Variants in COL4A4 observed in about 807,000 individuals in gnomAD.
The protein encoded by COL4A4 is collagen type IV alpha 4 chain, also known as collagen alpha-4(IV) chain.
COL4A4 carries 105 observed loss-of-function variants against 192.9 expected under a neutral mutation model. The observed-to-expected ratio is 0.54, with a 90% CI of 0.46 to 0.64. The LOEUF is 0.64. Among genes scored for constraint, COL4A4 ranks in the 30% least tolerant of loss-of-function variants. The pLI is 0.00. For synonymous variants in COL4A4, 762 were observed against 769.9 expected, an observed-to-expected ratio of 0.99 and a Z score of 0.17; for missense variants, 1,967 against 2,169.3, an observed-to-expected ratio of 0.91 and a Z score of 1.85.
chr2:227,137,312 C>A (rs577456265), intron 4 of COL4A4, among the ~76,000 whole-genome samples: 1 of 152,290 alleles, frequency 6.6e-6, no homozygotes, highest in African/African-American at 2.4e-5. Context: ...CAAGTGGCAA[C>A]CCAAGTTTAC....
intron 43 of COL4A4, chr2:227,022,440 A>G: frequency 1.5e-6 from 1 of 676,538 alleles, no homozygotes; most frequent in Non-Finnish European, 2.8e-6. Context: ...CAGAGGATGC[A>G]GAAGTATGAA....
At chr2:226,991,670 G>C in the COL4A4 span, among the ~76,000 whole-genome samples, 3 of 152,128 alleles carry the variant, frequency 2.0e-5, no homozygotes, top group Non-Finnish European at 4.4e-5. Context: ...ACCCAACAAA[G>C]GAGCTACTCA....
At chr2:227,137,762 CA>C (rs1403795247) in intron 4 of COL4A4, among the ~76,000 whole-genome samples, 1 of 152,132 alleles carries the variant, frequency 6.6e-6, no homozygotes, top group African/African-American at 2.4e-5. Flanking sequence ...GGGGTCGGCT[CA>C]TCTCTTTCTT....
intron 34 of COL4A4, among the ~76,000 whole-genome samples, chr2:227,049,532 GC>G (rs1390756696): frequency 6.6e-6 from 1 of 152,040 alleles, no homozygotes; most frequent in Non-Finnish European, 1.5e-5. Flanking sequence ...AAAATATTTT[GC>G]TATAGTAAAA....
intron 4 of COL4A4, among the ~76,000 whole-genome samples, chr2:227,130,112 A>G (rs10171836): frequency 0.37 from 55,641 of 152,082 alleles, 10,517 homozygotes; most frequent in Non-Finnish European, 0.41. Context: ...AGGTGTTATC[A>G]ACAGTAGACA....
the COL4A4 span, among the ~76,000 whole-genome samples, chr2:226,982,202 T>G: frequency 6.6e-6 from 1 of 152,248 alleles, no homozygotes; most frequent in Non-Finnish European, 1.5e-5. Context: ...TTGGTTACCT[T>G]TGATACCAGC....
At chr2:226,981,880 C>T in the COL4A4 span, among the ~76,000 whole-genome samples, 2 of 152,294 alleles carry the variant, frequency 1.3e-5, no homozygotes, top group South Asian at 4.1e-4. Flanking sequence ...CAGATGGCTT[C>T]TCACTGCCAC....
At chr2:227,025,890 G>C (rs1270228787) in intron 42 of COL4A4, 80 bp from the exon 43 acceptor site, 1 of 1,309,104 alleles carries the variant, frequency 7.6e-7, no homozygotes, top group African/African-American at 1.5e-5. Flanking sequence ...TTGTGGATTA[G>C]GACAAAAATG....
In COL4A4 at chr2:227,008,088, C is replaced by T. The variant is rs771426359; in HGVS notation, c.4739G>A (p.Ser1580Asn). 6.2e-7 allele frequency: 1 copy of T among 1,614,082 alleles called. No individual in the cohort carries two copies. Among genetic ancestry groups the T allele is most frequent in the Non-Finnish European group, 8.5e-7 (1 of 1,180,018 alleles). The change falls in exon 47 of 48, where the codon AGC (serine) becomes AAC (asparagine). Residue 1580 changes from serine to asparagine, a missense_variant. By Grantham distance (46) the Ser-to-Asn change is conservative. Coordinates refer to ENST00000396625, the MANE Select transcript of COL4A4 (RefSeq NM_000092.5). ...EAPAQAVAVH[S>N]QDQSIPPCPQ... ...ACATGGGGGGATGGACTGGTCCTGG[C>T]TGTGCACCGCCACCGCCTGGGCCGG...
intron 3 of COL4A4, among the ~76,000 whole-genome samples, chr2:227,143,467 A>G (rs1218423041): frequency 6.6e-6 from 1 of 152,172 alleles, no homozygotes; most frequent in African/African-American, 2.4e-5. Context: ...CCCAATGATA[A>G]TATGGCCACT....
In COL4A4 at chr2:227,042,347, C is replaced by T. The variant is rs147944221; in HGVS notation, c.3398-92G>A. The T allele has an allele frequency of 3.0e-3, 2,274 of 746,138 alleles. 10 individuals carry two copies. Among genetic ancestry groups the T allele is most frequent in the Non-Finnish European group, 4.3e-3 (1,794 of 414,086 alleles). The allele number at this position is 746,138 out of a possible 1,614,324, so 46.2% of individuals were successfully genotyped here. On this transcript the variant is annotated intron_variant, in intron 36 of 47. Coordinates refer to ENST00000396625, the MANE Select transcript of COL4A4 (RefSeq NM_000092.5). ...ATCTATGTTCTTAATATATGGGTAA[C>T]GGAGAACACTGTCTAATTACTTTTT...
chr2:227,037,771 T>C (rs1969977268), intron 37 of COL4A4, among the ~76,000 whole-genome samples: 1 of 124,534 alleles, frequency 8.0e-6, no homozygotes, highest in African/African-American at 3.2e-5. Flanking sequence ...TTTTTAATGA[T>C]CTCCATTCTA....
In COL4A4 at chr2:227,007,528, C is replaced by T. The variant is rs539801258; in HGVS notation, c.4870G>A (p.Glu1624Lys). The T allele has an allele frequency of 3.7e-6, 6 of 1,613,688 alleles. No individual in the cohort carries two copies. Among genetic ancestry groups the T allele is most frequent in the Middle Eastern group, 3.5e-4 (2 of 5,640 alleles). ...AGGAATGGTGCTGCTCTGAAATCTT[C>T]CAGGCAGCTGCCAGGTGACATAAGG... ...QALMSPGSCLEDFRAAPFLEC... is the reference protein window; with the variant it reads ...QALMSPGSCLKDFRAAPFLEC... Residue 1624 changes from glutamate (E) to lysine (K), a missense_variant, in exon 48 of 48, where the codon GAA (glutamate) becomes AAA (lysine). Coordinates refer to ENST00000396625, the MANE Select transcript of COL4A4 (RefSeq NM_000092.5).
At chr2:227,102,729 T>C (rs373245060) in intron 15 of COL4A4, 60 bp downstream of exon 15, 13 of 1,470,860 alleles carry the variant, frequency 8.8e-6, no homozygotes, top group South Asian at 7.9e-5. Flanking sequence ...CCTGGTTTTA[T>C]AAAAACATGA....
At chr2:227,059,327 T>C in intron 28 of COL4A4, 78 bp downstream of exon 28, 2 of 1,230,334 alleles carry the variant, frequency 1.6e-6, no homozygotes, top group Non-Finnish European at 2.4e-6. Flanking sequence ...TAAAGCAAAA[T>C]AATCTAAACG....
At chr2:227,097,351 T>C (rs1214645213) in intron 19 of COL4A4, among the ~76,000 whole-genome samples, 1 of 152,188 alleles carries the variant, frequency 6.6e-6, no homozygotes, top group Non-Finnish European at 1.5e-5. Flanking sequence ...TATACTTCTG[T>C]GTATTTTTGT....
chr2:227,047,052 C>G (rs1254657111), intron 35 of COL4A4, among the ~76,000 whole-genome samples: 1 of 152,010 alleles, frequency 6.6e-6, no homozygotes, highest in Non-Finnish European at 1.5e-5. Flanking sequence ...GTGCTTTTCT[C>G]AGTAGAAAGA....
chr2:227,012,784 C>A (rs746277633), intron 44 of COL4A4, among the ~76,000 whole-genome samples: 3 of 152,128 alleles, frequency 2.0e-5, no homozygotes, highest in Admixed American at 1.3e-4. Context: ...ATAGGTGCAG[C>A]AATTTTTTAA....
rs764295374 is a variant in COL4A4, at chr2:227,059,534, C to G, written c.2254G>C (p.Val752Leu). The G allele has an allele frequency of 1.7e-5, 27 of 1,614,060 alleles. No individual in the cohort carries two copies. Among genetic ancestry groups the G allele is most frequent in the Non-Finnish European group, 2.2e-5 (26 of 1,180,040 alleles). ...GPPGPPGSPGVNGQKGIPGDP... is the reference protein window; with the variant it reads ...GPPGPPGSPGLNGQKGIPGDP... ...CCCGGGATTCCTTTCTGACCATTCA[C>G]TCCTGGTGAGCCGGGAGGGCCTGGG... Residue 752 changes from valine to leucine, a missense_variant, in exon 28 of 48, where the codon GTG becomes CTG. Coordinates refer to ENST00000396625, the MANE Select transcript of COL4A4 (RefSeq NM_000092.5).
Sources: allele counts gnomAD v4.1 joint callset (sites outside exome capture counted in the v4.1 genomes callset), GRCh38; gene constraint gnomAD v4.1.1; transcripts MANE v1.5; gene names NCBI Gene and HGNC (gene_info 2026-07-23, HGNC 2026-07-21).